SHISA9: variants seen among roughly 807,000 people sequenced by gnomAD.
The protein encoded by SHISA9 is shisa family member 9, also known as protein shisa-9.
SHISA9 carries 13 observed loss-of-function variants against 38.0 expected under a neutral mutation model. That is an observed-to-expected ratio of 0.34 (90% CI 0.22 to 0.54). The LOEUF (loss-of-function observed/expected upper bound fraction) is 0.54. SHISA9 is among the 20% of genes least tolerant of loss of function. The pLI is 0.91. For synonymous variants in SHISA9, 275 were observed against 242.0 expected, an observed-to-expected ratio of 1.14 and a Z score of -1.27; for missense variants, 538 against 575.8, an observed-to-expected ratio of 0.93 and a Z score of 0.67.
At chr16:13,339,356 C>T in the SHISA9 span, among the ~76,000 whole-genome samples, 7 of 152,042 alleles carry the variant, frequency 4.6e-5, no homozygotes, top group South Asian at 2.1e-4. Context: ...GATGATAAGA[C>T]GTTGTTTTCA....
the SHISA9 span, among the ~76,000 whole-genome samples, chr16:13,471,377 C>G: frequency 6.6e-6 from 1 of 152,122 alleles, no homozygotes; most frequent in Non-Finnish European, 1.5e-5. Flanking sequence ...CAGTCTATGT[C>G]CATCATTTAG....
At chr16:13,009,880 T>A (rs1225883212) in intron 2 of SHISA9, among the ~76,000 whole-genome samples, 1 of 152,114 alleles carries the variant, frequency 6.6e-6, no homozygotes, top group Non-Finnish European at 1.5e-5. Context: ...TTTTCCTTTT[T>A]ATAGAAACAT....
chr16:13,131,626 T>G (rs1240385988), intron 2 of SHISA9, among the ~76,000 whole-genome samples: 6 of 147,960 alleles, frequency 4.1e-5, no homozygotes, highest in African/African-American at 1.5e-4. Flanking sequence ...GCTTAAAAGT[T>G]GATGGAAAAA....
the SHISA9 span, among the ~76,000 whole-genome samples, chr16:13,555,112 C>T: frequency 6.6e-6 from 1 of 152,194 alleles, no homozygotes; most frequent in Non-Finnish European, 1.5e-5. Context: ...CTTATCTCAG[C>T]CCTAATTTCC....
At chr16:13,307,803 T>G in the SHISA9 span, among the ~76,000 whole-genome samples, 193 of 152,312 alleles carry the variant, frequency 1.3e-3, no homozygotes, top group African/African-American at 4.0e-3. Context: ...ACTTTTAAAC[T>G]TTTTGCCTTT....
chr16:13,096,279 G>C (rs917800564), intron 2 of SHISA9, among the ~76,000 whole-genome samples: 1 of 152,156 alleles, frequency 6.6e-6, no homozygotes, highest in African/African-American at 2.4e-5. Flanking sequence ...CATGTACTTT[G>C]GCAAGGCCCT....
intron 2 of SHISA9, among the ~76,000 whole-genome samples, chr16:13,112,666 G>A (rs2141968550): frequency 6.6e-6 from 1 of 151,974 alleles, no homozygotes; most frequent in East Asian, 1.9e-4. Flanking sequence ...CCAGTCAAGG[G>A]GTTCTTCTGG....
intron 2 of SHISA9, among the ~76,000 whole-genome samples, chr16:13,122,376 A>G (rs1298667252): frequency 2.6e-5 from 4 of 152,154 alleles, no homozygotes; most frequent in African/African-American, 7.2e-5. Context: ...CTTCAGAGGG[A>G]CGAAACAATC....
chr16:13,381,220 G>C, the SHISA9 span, among the ~76,000 whole-genome samples: 121 of 152,202 alleles, frequency 7.9e-4, no homozygotes, highest in African/African-American at 2.6e-3. Context: ...TAGGCCTAGA[G>C]GGCAACTAAC....
At chr16:13,139,394 TTTCCTTCCTTCCTTCC>T (rs71147783) in intron 2 of SHISA9, among the ~76,000 whole-genome samples, 3 of 94,992 alleles carry the variant, frequency 3.2e-5, no homozygotes, top group Non-Finnish European at 5.9e-5. Context: ...CCCTTCCTTC[TTTCCTTCCTTCCTTCC>T]TTCCTTCCTT....
At chr16:13,405,415 G>A in the SHISA9 span, among the ~76,000 whole-genome samples, 102 of 152,284 alleles carry the variant, frequency 6.7e-4, 1 homozygote, top group South Asian at 6.4e-3. Flanking sequence ...GAAATCAGCC[G>A]CTCTGCAAGA....
At chr16:13,468,187 T>C in the SHISA9 span, among the ~76,000 whole-genome samples, 3 of 152,168 alleles carry the variant, frequency 2.0e-5, no homozygotes, top group African/African-American at 7.2e-5. Flanking sequence ...TCAAGAGGCC[T>C]TTTAAAGGGG....
the SHISA9 span, among the ~76,000 whole-genome samples, chr16:13,457,306 AAAAC>A: frequency 4.6e-5 from 7 of 151,214 alleles, no homozygotes; most frequent in African/African-American, 7.3e-5. Context: ...AACTCTATCA[AAAAC>A]AAACAAACAA....
At chr16:13,427,393 A>G in the SHISA9 span, among the ~76,000 whole-genome samples, 2 of 152,252 alleles carry the variant, frequency 1.3e-5, no homozygotes, top group African/African-American at 2.4e-5. Flanking sequence ...TCTGTTACAG[A>G]TGGAAGTGTA....
intron 2 of SHISA9, among the ~76,000 whole-genome samples, chr16:12,924,237 C>T (rs897063019): frequency 2.6e-5 from 4 of 152,232 alleles, no homozygotes; most frequent in African/African-American, 4.8e-5. Flanking sequence ...GCGAGGTAGA[C>T]GGCTGTTTGA....
the SHISA9 span, among the ~76,000 whole-genome samples, chr16:13,278,433 A>G: frequency 3.9e-5 from 6 of 152,028 alleles, no homozygotes; most frequent in African/African-American, 1.4e-4. Context: ...GGCTTCATCA[A>G]ATGAATTTGG....
the SHISA9 span, among the ~76,000 whole-genome samples, chr16:13,313,262 A>AAAAAAAC: frequency 0.45 from 63,217 of 140,398 alleles, 14,980 homozygotes; most frequent in Middle Eastern, 0.52. Flanking sequence ...CTCAAAAAAA[A>AAAAAAAC]AAAAAAAAAA....
At chr16:13,347,839 AC>A in the SHISA9 span, among the ~76,000 whole-genome samples, 730 of 68,142 alleles carry the variant, frequency 0.011, 3 homozygotes, top group Non-Finnish European at 0.018. Context: ...AGAATAACGT[AC>A]CCCCCCACAA....
At chr16:13,085,268 C>T (rs575669056) in intron 2 of SHISA9, among the ~76,000 whole-genome samples, 3 of 151,546 alleles carry the variant, frequency 2.0e-5, no homozygotes, top group Non-Finnish European at 2.9e-5. Flanking sequence ...ATGTCTATGT[C>T]GATACCTATA....
Sources: gnomAD v4.1 joint callset for allele counts (sites outside exome capture counted in the v4.1 genomes callset) on GRCh38, gnomAD v4.1.1 for gene constraint, MANE v1.5 for transcripts, NCBI Gene and HGNC (gene_info 2026-07-23, HGNC 2026-07-21) for gene names.